The following DYSF variants were observed in gnomAD, a reference collection of about 807,000 sequenced individuals.
DYSF encodes dysferlin.
A neutral mutation model predicts 274.9 loss-of-function variants in DYSF; 212 were observed. The ratio of observed to expected loss-of-function variants is 0.77; its 90% CI spans 0.69 to 0.86. DYSF has a LOEUF of 0.86. Among genes scored for constraint, DYSF ranks in the 40% least tolerant of loss-of-function variants. The probability of loss-of-function intolerance (pLI) is 0.00; values close to 1 mark genes in which losing one functional copy is unlikely to be tolerated. For missense variants in DYSF, 2,666 were observed against 2,783.2 expected, an observed-to-expected ratio of 0.96 and a Z score of 0.95; for synonymous variants, 1,091 against 1,078.7, an observed-to-expected ratio of 1.01 and a Z score of -0.22.
In DYSF at chr2:71,554,787, C is replaced by T. The variant is rs554498767; in HGVS notation, c.2109+856C>T. Reference sequence around the variant, plus strand: ...GTGAGGAGGAGCCTTCTGGGGAACCCCCTGCAGATGCTGGATGCTGCAGTC... The same window carrying T: ...GTGAGGAGGAGCCTTCTGGGGAACCTCCTGCAGATGCTGGATGCTGCAGTC... On this transcript the variant is annotated intron_variant, in intron 21 of 55. Transcript: ENST00000410020. Among the ~76,000 whole-genome samples, 11 of 152,252 alleles carry T rather than the reference C, an allele frequency of 7.2e-5. No homozygotes were observed. The South Asian group carries it at 2.3e-3, about 32-fold the overall frequency.
In DYSF at chr2:71,660,657, T is replaced by C. The variant is rs1558755850; in HGVS notation, c.5003+6T>C. The C allele has an allele frequency of 1.2e-6, 2 of 1,611,952 alleles. No homozygotes were observed. Among genetic ancestry groups the C allele is most frequent in the Admixed American group, 1.7e-5 (1 of 60,004 alleles). On this transcript the variant is annotated splice_donor_region_variant and intron_variant, in intron 45 of 55. Transcript: ENST00000410020. ...CTGGAGCCCGTATTTGGAAAGTAAA[T>C]TGGGGCATCTTGGGTCTTGGGGTGG... is the stretch of plus-strand genomic sequence containing the variant.
At chr2:71,532,421 G>C (rs1320531296) in intron 14 of DYSF, among the ~76,000 whole-genome samples, 4 of 152,136 alleles carry the variant, frequency 2.6e-5, no homozygotes, top group Admixed American at 1.3e-4. Context: ...AAAGAAAAAA[G>C]GTAAAGCAAG....
At chr2:71,520,753 G>A in intron 11 of DYSF, 36 bp from the exon 12 acceptor site, 1 of 1,600,838 alleles carries the variant, frequency 6.2e-7, no homozygotes, top group Non-Finnish European at 8.6e-7. Flanking sequence ...GGGGTCTTCT[G>A]ATTCTGGGAT....
chr2:71,657,429 A>G (rs1206637246), intron 43 of DYSF, among the ~76,000 whole-genome samples: 2 of 152,186 alleles, frequency 1.3e-5, no homozygotes, highest in East Asian at 3.9e-4. Flanking sequence ...TTACCATTCT[A>G]GGGTCTGGAG....
chr2:71,578,360 G>A (rs2092781709), intron 30 of DYSF, among the ~76,000 whole-genome samples: 1 of 152,150 alleles, frequency 6.6e-6, no homozygotes, highest in African/African-American at 2.4e-5. Flanking sequence ...CCAGGGTCCT[G>A]GAGAGGGAGG....
chr2:71,664,292 G>A lies in DYSF; in HGVS notation c.5028G>A (p.Leu1676=), dbSNP rs368302435. 37 of 1,614,060 alleles carry A rather than the reference G, an allele frequency of 2.3e-5. No individual in the cohort carries two copies. Among genetic ancestry groups the A allele is most frequent in the Non-Finnish European group, 2.8e-5 (33 of 1,180,038 alleles). The change falls in exon 46 of 56, where the codon CTG becomes CTA. Residue 1676 remains leucine (L), a synonymous_variant. Coordinates refer to ENST00000410020, the MANE Select transcript of DYSF (RefSeq NM_001130987.2). The part of the protein sequence containing the change: ...FGKMFELTCT[L]PLEKDLKITL... ...GGATGTTCGAGCTGACCTGCACTCT[G>A]CCTCTGGAGAAGGACCTAAAGATCA...
chr2:71,658,537 A>G (rs925796479), intron 43 of DYSF, among the ~76,000 whole-genome samples: 5 of 152,204 alleles, frequency 3.3e-5, no homozygotes, highest in African/African-American at 1.2e-4. Flanking sequence ...TGGAAGAAAA[A>G]GAGGTTTAAT....
chr2:71,622,130 G>A lies in DYSF; in HGVS notation c.4527+1521G>A, dbSNP rs60197768. Among the ~76,000 whole-genome samples the A allele has an allele frequency of 6.2e-5, 6 of 97,030 alleles. No individual in the cohort carries two copies. In the East Asian group the frequency reaches 1.8e-3, roughly 30 times the overall value. The allele number at this position is 97,030 out of a possible 152,430, so 63.7% of individuals were successfully genotyped here. A position where few individuals can be genotyped will look rare whatever the true frequency, so the allele number is the denominator to read the frequency against. ...ATATGTCCATTCAGATGATTTCTTT[G>A]TTTTTTTTTTTTTTTTGTTACGCCC... On this transcript the variant is annotated intron_variant, in intron 41 of 55. Coordinates refer to ENST00000410020, the MANE Select transcript of DYSF (RefSeq NM_001130987.2).
chr2:71,637,371 C>T (rs190121657), intron 41 of DYSF, among the ~76,000 whole-genome samples: 421 of 152,216 alleles, frequency 2.8e-3, no homozygotes, highest in Admixed American at 8.3e-3. Context: ...GAAGGTAGCA[C>T]GTGGCATGGG....
intron 30 of DYSF, among the ~76,000 whole-genome samples, chr2:71,580,477 G>C (rs1275687126): frequency 6.6e-6 from 1 of 152,198 alleles, no homozygotes; most frequent in African/African-American, 2.4e-5. Flanking sequence ...AGGGAGGGGC[G>C]GCTCTGCGCC....
chr2:71,462,616 T>C (rs2081331153), upstream of DYSF, among the ~76,000 whole-genome samples: 2 of 152,208 alleles, frequency 1.3e-5, no homozygotes, highest in African/African-American at 4.8e-5. Context: ...AACTGGATGG[T>C]GAGCAAGGTG....
intron 7 of DYSF, among the ~76,000 whole-genome samples, chr2:71,514,888 T>C (rs935720020): frequency 1.3e-5 from 2 of 151,942 alleles, no homozygotes; most frequent in African/African-American, 4.8e-5. Flanking sequence ...CTTTGGAAAA[T>C]ATATTAAAAT....
At chr2:71,465,419 T>C (rs2081470431), upstream of DYSF, among the ~76,000 whole-genome samples, 1 of 152,062 alleles carries the variant, frequency 6.6e-6, no homozygotes, top group Non-Finnish European at 1.5e-5. Flanking sequence ...GGTTGGGCGA[T>C]GGGGTGTCCT....
intron 40 of DYSF, among the ~76,000 whole-genome samples, chr2:71,618,284 A>G (rs1486544795): frequency 3.4e-4 from 5 of 14,874 alleles, no homozygotes; most frequent in Admixed American, 1.6e-3. Flanking sequence ...TGTGTGGTAG[A>G]GGTGTGTGTG....
chr2:71,646,250 T>A (rs930547077), intron 42 of DYSF, among the ~76,000 whole-genome samples: 6 of 152,222 alleles, frequency 3.9e-5, no homozygotes, highest in African/African-American at 1.4e-4. Flanking sequence ...TGTGGTCCTG[T>A]GGCCTTGCCA....
intron 1 of DYSF, among the ~76,000 whole-genome samples, chr2:71,478,614 T>C (rs1229303339): frequency 1.3e-5 from 2 of 152,114 alleles, no homozygotes; most frequent in Non-Finnish European, 2.9e-5. Context: ...TGGCCTGTGA[T>C]TTCAAATTTC....
At chr2:71,678,891 T>C (rs2095259941) in intron 52 of DYSF, among the ~76,000 whole-genome samples, 166 bp from the exon 53 acceptor site, 1 of 151,898 alleles carries the variant, frequency 6.6e-6, no homozygotes, top group South Asian at 2.1e-4. Flanking sequence ...TGGGAGACAA[T>C]GGGTAGGGAG....
intron 14 of DYSF, 65 bp from the exon 15 acceptor site, chr2:71,534,956 G>T (rs1426860555): frequency 6.4e-7 from 1 of 1,562,778 alleles, no homozygotes; most frequent in Admixed American, 1.7e-5. Flanking sequence ...GCTGGCATGT[G>T]GCCCCGGGGG....
intron 16 of DYSF, among the ~76,000 whole-genome samples, chr2:71,536,505 T>A (rs1446446987): frequency 6.6e-6 from 1 of 152,254 alleles, no homozygotes; most frequent in Non-Finnish European, 1.5e-5. Flanking sequence ...ATCTCCGCTC[T>A]CCATGTGTGC....
Sources: gnomAD v4.1 joint callset for allele counts (sites outside exome capture counted in the v4.1 genomes callset) on GRCh38, gnomAD v4.1.1 for gene constraint, MANE v1.5 for transcripts, NCBI Gene and HGNC (gene_info 2026-07-23, HGNC 2026-07-21) for gene names.